Variants in RNF157 observed in about 807,000 individuals in gnomAD.
RNF157 encodes the protein E3 ubiquitin ligase RNF157.
Under a neutral mutation model 88.3 loss-of-function variants are expected in RNF157, and 55 were observed. The ratio of observed to expected loss-of-function variants is 0.62; its 90% CI spans 0.50 to 0.78. The LOEUF (loss-of-function observed/expected upper bound fraction) is 0.78. Among genes scored for constraint, RNF157 ranks in the 30% least tolerant of loss-of-function variants. The probability of loss-of-function intolerance (pLI) is 0.00; values close to 1 mark genes in which losing one functional copy is unlikely to be tolerated. For synonymous variants in RNF157, 334 were observed against 341.2 expected (o/e 0.98, Z 0.23); for missense variants, 788 against 860.8 (o/e 0.92, Z 1.06).
chr17:76,143,267 T>A lies in RNF157; in HGVS notation c.*1968A>T, dbSNP rs114881520. ...CACCTGCTGCGAGGAAGGACAGGGA[T>A]CCTCAGGAAGGGGGTCCTGGCCACT... On this transcript the variant is annotated 3_prime_UTR_variant, in exon 19 of 19. Transcript: ENST00000269391. 6.6e-6 allele frequency: 1 copy of A among 152,224 alleles called. No individual in the cohort carries two copies. The highest frequency in any genetic ancestry group is 2.4e-5 in the African/African-American group (1 of 41,416). The allele number at this position is 152,224 out of a possible 1,614,324, so 9.4% of individuals were successfully genotyped here.
chr17:76,219,712 G>C (rs2069948578), intron 1 of RNF157, among the ~76,000 whole-genome samples: 1 of 152,030 alleles, frequency 6.6e-6, no homozygotes, highest in South Asian at 2.1e-4. Context: ...GTGTGTAGTG[G>C]AATAACTACA....
At chr17:76,196,330 G>A (rs1379440106) in intron 2 of RNF157, among the ~76,000 whole-genome samples, 2 of 152,216 alleles carry the variant, frequency 1.3e-5, no homozygotes, top group Non-Finnish European at 2.9e-5. Context: ...CAGGACAGAA[G>A]TTAGGATTGC....
intron 2 of RNF157, chr17:76,211,808 TAGAAATTTATG>T (rs1378998069): frequency 2.6e-5 from 4 of 152,410 alleles, no homozygotes; most frequent in Admixed American, 2.0e-4. Flanking sequence ...AGGTGCGCAA[TAGAAATTTATG>T]AGAAGGAACA....
chr17:76,227,728 T>C (rs1434516749), intron 1 of RNF157, among the ~76,000 whole-genome samples: 1 of 151,806 alleles, frequency 6.6e-6, no homozygotes. Context: ...AAATACAAAA[T>C]TAGCCGGGCG....
At chr17:76,233,349 T>G (rs1367401321) in intron 1 of RNF157, among the ~76,000 whole-genome samples, 1 of 152,244 alleles carries the variant, frequency 6.6e-6, no homozygotes, top group Non-Finnish European at 1.5e-5. Flanking sequence ...TTTTCAACTT[T>G]TTACTGTCTT....
chr17:76,155,224 G>C lies in RNF157; in HGVS notation c.1764+28C>G, dbSNP rs978919778. 8 of 1,604,800 alleles carry C rather than the reference G, an allele frequency of 5.0e-6. No individual in the cohort carries two copies. In the Admixed American group the frequency reaches 5.0e-5, roughly 10 times the overall value. On this transcript the variant is annotated intron_variant, in intron 16 of 18. Transcript: ENST00000269391. ...CAGCACTCCTCTGGTTGTGGGAAGG[G>C]GGCACCACTCCGTGCTGTTGGGGTT...
intron 2 of RNF157, among the ~76,000 whole-genome samples, chr17:76,184,599 T>C (rs1437046420): frequency 6.6e-6 from 1 of 152,188 alleles, no homozygotes; most frequent in East Asian, 1.9e-4. Context: ...AGAACAACAA[T>C]GATCTATATT....
At chr17:76,198,584 T>C (rs981450742) in intron 2 of RNF157, among the ~76,000 whole-genome samples, 2 of 152,254 alleles carry the variant, frequency 1.3e-5, no homozygotes, top group Admixed American at 1.3e-4. Flanking sequence ...TTCTGCCGTA[T>C]ACGTCAGTGT....
At chr17:76,198,230 C>T (rs1021322598) in intron 2 of RNF157, among the ~76,000 whole-genome samples, 2 of 152,002 alleles carry the variant, frequency 1.3e-5, no homozygotes, top group African/African-American at 4.8e-5. Flanking sequence ...GGGAGGGGTT[C>T]CTGAGGGTGT....
chr17:76,166,602 G>T, intron 5 of RNF157, 75 bp from the exon 6 acceptor site: 2 of 1,189,466 alleles, frequency 1.7e-6, no homozygotes, highest in Non-Finnish European at 2.5e-6. Flanking sequence ...TCTCAGAAAG[G>T]GCGATACTGT....
intron 2 of RNF157, among the ~76,000 whole-genome samples, chr17:76,178,040 T>C (rs966846186): frequency 6.6e-6 from 1 of 152,198 alleles, no homozygotes; most frequent in Non-Finnish European, 1.5e-5. Context: ...GCTCACCCTA[T>C]GTTTGTCTGT....
chr17:76,181,242 T>C (rs140291649), intron 2 of RNF157, among the ~76,000 whole-genome samples: 1 of 152,178 alleles, frequency 6.6e-6, no homozygotes, highest in African/African-American at 2.4e-5. Context: ...TATACCATCA[T>C]GGCAAACAGT....
rs546647282 is a variant in RNF157, at chr17:76,167,636, G to C, written c.443+15C>G. 1 of 1,613,908 alleles carries C rather than the reference G, an allele frequency of 6.2e-7. No individual in the cohort carries two copies. The highest frequency in any genetic ancestry group is 2.2e-5 in the East Asian group (1 of 44,870). On this transcript the variant is annotated intron_variant, in intron 4 of 18. Transcript: ENST00000269391. ...ATCTGGGAAGGAAGTGGCTCTCCTG[G>C]TCTCCTGATCTTACCTGGCAATACC...
At chr17:76,175,143 G>C (rs1039578591) in intron 2 of RNF157, among the ~76,000 whole-genome samples, 3 of 151,988 alleles carry the variant, frequency 2.0e-5, no homozygotes, top group Non-Finnish European at 2.9e-5. Flanking sequence ...ATACTATTTT[G>C]CAGTTTCTTT....
intron 2 of RNF157, among the ~76,000 whole-genome samples, chr17:76,199,132 CAG>C (rs762666470): frequency 6.6e-6 from 1 of 152,098 alleles, no homozygotes; most frequent in South Asian, 2.1e-4. Context: ...ATTTGTGTAA[CAG>C]AGAGGGGAAA....
intron 1 of RNF157, chr17:76,226,720 T>C (rs1052208664): frequency 1.2e-6 from 2 of 1,611,352 alleles, no homozygotes; most frequent in African/African-American, 2.7e-5. Flanking sequence ...GACCTATGCT[T>C]TCTTCAGCCC....
At chr17:76,148,443 A>G (rs1344342105) in intron 18 of RNF157, among the ~76,000 whole-genome samples, 1 of 146,416 alleles carries the variant, frequency 6.8e-6, no homozygotes, top group Non-Finnish European at 1.5e-5. Context: ...ATTTTTTTGT[A>G]TTTTTGGTAG....
At chr17:76,156,400 G>A in intron 13 of RNF157, 79 bp from the exon 14 acceptor site, 5 of 1,594,730 alleles carry the variant, frequency 3.1e-6, no homozygotes, top group Admixed American at 1.8e-5. Context: ...CAGGGCGGAG[G>A]TCTGGGTAGA....
intron 3 of RNF157, among the ~76,000 whole-genome samples, chr17:76,170,356 G>A (rs1052993921): frequency 1.3e-5 from 2 of 152,104 alleles, no homozygotes; most frequent in Non-Finnish European, 2.9e-5. Flanking sequence ...AGCCTCCCAA[G>A]TAGCTGGGAC....
Sources: gnomAD v4.1 joint callset for allele counts (sites outside exome capture counted in the v4.1 genomes callset) on GRCh38, gnomAD v4.1.1 for gene constraint, MANE v1.5 for transcripts, NCBI Gene and HGNC (gene_info 2026-07-23, HGNC 2026-07-21) for gene names.